Variants in ATP8B4 observed in about 807,000 individuals in gnomAD.
ATP8B4 encodes the protein probable phospholipid-transporting ATPase IM.
A neutral mutation model predicts 145.6 loss-of-function variants in ATP8B4; 133 were observed. The observed-to-expected ratio is 0.91, with a 90% CI of 0.79 to 1.05. ATP8B4 has a LOEUF of 1.05. Ranked by LOEUF, ATP8B4 falls within the 50% of genes least tolerant of loss-of-function variation. ATP8B4 has a pLI of 0.00. For missense variants in ATP8B4, 1,458 were observed against 1,425.2 expected, an observed-to-expected ratio of 1.02 and a Z score of -0.37; for synonymous variants, 507 against 492.9, an observed-to-expected ratio of 1.03 and a Z score of -0.38.
intron 1 of ATP8B4, among the ~76,000 whole-genome samples, chr15:50,143,225 A>G (rs2044235755): frequency 6.6e-6 from 1 of 152,244 alleles, no homozygotes. Context: ...TAAAACAACA[A>G]TATAGTGTCT....
At chr15:49,920,465 TAAC>T (rs1436726304) in intron 17 of ATP8B4, 55 bp from the exon 18 acceptor site, 2 of 1,508,990 alleles carry the variant, frequency 1.3e-6, no homozygotes, top group Admixed American at 2.4e-5. Flanking sequence ...AGCACAGAAA[TAAC>T]AACAACAAAA....
chr15:50,176,114 A>G (rs1595672031), intron 1 of ATP8B4, among the ~76,000 whole-genome samples: 1 of 151,310 alleles, frequency 6.6e-6, no homozygotes, highest in Middle Eastern at 3.4e-3. Context: ...ATATATATAT[A>G]CTGCACAGCA....
At chr15:50,095,831 G>A (rs2153659310) in intron 2 of ATP8B4, among the ~76,000 whole-genome samples, 1 of 152,044 alleles carries the variant, frequency 6.6e-6, no homozygotes, top group East Asian at 1.9e-4. Context: ...CAATATTCAA[G>A]GAAAATATTC....
intron 19 of ATP8B4, among the ~76,000 whole-genome samples, chr15:49,917,737 A>G (rs1438728320): frequency 2.0e-5 from 3 of 152,174 alleles, no homozygotes; most frequent in African/African-American, 2.4e-5. Flanking sequence ...CTCTAACTGT[A>G]TAGAATAATT....
intron 1 of ATP8B4, among the ~76,000 whole-genome samples, chr15:50,172,299 C>T (rs571367642): frequency 1.2e-4 from 19 of 152,370 alleles, no homozygotes; most frequent in African/African-American, 4.3e-4. Flanking sequence ...TGCGCCGCCA[C>T]GCCTGACTGG....
chr15:50,153,580 G>A (rs531773715), intron 1 of ATP8B4, among the ~76,000 whole-genome samples: 2 of 152,128 alleles, frequency 1.3e-5, no homozygotes, highest in East Asian at 1.9e-4. Context: ...CTCGTGATCC[G>A]CCCGCCTTGG....
chr15:49,865,296 C>A (rs1566892411), intron 26 of ATP8B4, among the ~76,000 whole-genome samples: 2 of 152,208 alleles, frequency 1.3e-5, no homozygotes, highest in African/African-American at 4.8e-5. Flanking sequence ...CTGGAAAGGG[C>A]ATGGAAGTTC....
intron 6 of ATP8B4, among the ~76,000 whole-genome samples, chr15:50,036,028 C>CAG (rs1326490124): frequency 6.6e-6 from 1 of 152,220 alleles, no homozygotes; most frequent in Non-Finnish European, 1.5e-5. Flanking sequence ...TTGTGGCCCA[C>CAG]AGATGCCAAG....
At chr15:50,057,050 A>T (rs1209176562) in intron 3 of ATP8B4, among the ~76,000 whole-genome samples, 1 of 152,098 alleles carries the variant, frequency 6.6e-6, no homozygotes, top group Non-Finnish European at 1.5e-5. Context: ...TTTACAAGTG[A>T]GGAACATGCT....
At chr15:49,956,902 T>C (rs1054694172) in intron 14 of ATP8B4, among the ~76,000 whole-genome samples, 1 of 152,034 alleles carries the variant, frequency 6.6e-6, no homozygotes, top group Non-Finnish European at 1.5e-5. Flanking sequence ...TTCAGCCAAA[T>C]AGAAAAATAA....
intron 13 of ATP8B4, among the ~76,000 whole-genome samples, chr15:49,972,265 G>A (rs2045222996): frequency 6.6e-6 from 1 of 152,076 alleles, no homozygotes; most frequent in South Asian, 2.1e-4. Context: ...AAAACTTAAA[G>A]TATAATAATA....
intron 5 of ATP8B4, 108 bp from the exon 6 acceptor site, chr15:50,038,937 T>C (rs753600610): frequency 2.4e-5 from 22 of 912,376 alleles, no homozygotes; most frequent in Middle Eastern, 2.2e-4. Context: ...GTGTTGTCAC[T>C]GGTCTAAGAT....
rs79685617 is a variant in ATP8B4, at chr15:49,979,171, T to C, written c.1034+446A>G. ...TTTTAAAATGAGGGAACTGAGGCACTAGAAGATGAAGCTACTTGCCCAAGG... is the reference window on the plus strand; with the variant it reads ...TTTTAAAATGAGGGAACTGAGGCACCAGAAGATGAAGCTACTTGCCCAAGG... On this transcript the variant is annotated intron_variant, in intron 12 of 27. Transcript: ENST00000284509. Among the ~76,000 whole-genome samples, 301 of 152,202 alleles carry C rather than the reference T, an allele frequency of 2.0e-3. 1 individual carries two copies. Among genetic ancestry groups the C allele is most frequent in the African/African-American group, 7.2e-3 (297 of 41,536 alleles).
intron 2 of ATP8B4, among the ~76,000 whole-genome samples, chr15:50,094,706 A>G (rs1313190213): frequency 9.5e-6 from 1 of 104,924 alleles, no homozygotes; most frequent in Non-Finnish European, 2.2e-5. Flanking sequence ...GTGTATATAT[A>G]TACTACTATA....
chr15:50,066,968 G>A (rs1052720425), intron 3 of ATP8B4, among the ~76,000 whole-genome samples: 5 of 152,002 alleles, frequency 3.3e-5, no homozygotes, highest in African/African-American at 1.2e-4. Context: ...TTCCTGAGAC[G>A]TTCCCTTCCT....
At chr15:50,093,727 T>A (rs1378804155) in intron 2 of ATP8B4, among the ~76,000 whole-genome samples, 1 of 152,090 alleles carries the variant, frequency 6.6e-6, no homozygotes, top group Non-Finnish European at 1.5e-5. Context: ...CAAACTGAAT[T>A]TTTTAAAACT....
At chr15:50,076,223 G>A (rs951414333) in intron 2 of ATP8B4, among the ~76,000 whole-genome samples, 10 of 152,158 alleles carry the variant, frequency 6.6e-5, no homozygotes, top group Non-Finnish European at 1.5e-4. Flanking sequence ...GCTGGGTGCG[G>A]TGGCTCACGC....
At chr15:49,875,094 C>A (rs4775843) in intron 25 of ATP8B4, among the ~76,000 whole-genome samples, 1 of 152,206 alleles carries the variant, frequency 6.6e-6, no homozygotes, top group Non-Finnish European at 1.5e-5. Context: ...ACACACACAT[C>A]TATCCATGTA....
At chr15:50,129,633 A>G (rs7177316) in intron 1 of ATP8B4, among the ~76,000 whole-genome samples, 76,951 of 152,026 alleles carry the variant, frequency 0.51, 21,094 homozygotes, top group Middle Eastern at 0.65. Context: ...ACATTCCAAC[A>G]TTCCAGGTAG....
Sources: allele counts gnomAD v4.1 joint callset (sites outside exome capture counted in the v4.1 genomes callset), GRCh38; gene constraint gnomAD v4.1.1; transcripts MANE v1.5; gene names NCBI Gene and HGNC (gene_info 2026-07-23, HGNC 2026-07-21).